Variants in NDNF observed in about 807,000 individuals in gnomAD.
NDNF encodes neuron derived neurotrophic factor, also known as protein NDNF.
NDNF carries 16 observed loss-of-function variants against 42.0 expected under a neutral mutation model. The observed-to-expected ratio is 0.38, with a 90% CI of 0.26 to 0.58. The LOEUF is 0.58. Among genes scored for constraint, NDNF ranks in the 20% least tolerant of loss-of-function variants. NDNF has a pLI of 0.67. For missense variants in NDNF, 616 were observed against 666.2 expected (o/e 0.92, Z 0.83); for synonymous variants, 248 against 251.7 (o/e 0.99, Z 0.14).
At chr4:121,037,759 A>G in intron 3 of NDNF, 102 bp from the exon 4 acceptor site, 1 of 742,738 alleles carries the variant, frequency 1.3e-6, no homozygotes, top group Non-Finnish European at 2.1e-6. Context: ...TTATGAAAAT[A>G]GTACATGTTC....
At chr4:121,039,233 T>TATAC (rs1560603366) in intron 3 of NDNF, among the ~76,000 whole-genome samples, 4 of 131,106 alleles carry the variant, frequency 3.1e-5, no homozygotes, top group Non-Finnish European at 4.8e-5. Flanking sequence ...TATATATATA[T>TATAC]ATAAAGACTA....
At chr4:121,061,515 T>C (rs527401342) in intron 1 of NDNF, 1 of 152,288 alleles carries the variant, frequency 6.6e-6, no homozygotes, top group South Asian at 2.1e-4. Flanking sequence ...AAACATATCA[T>C]TTCCTTTTCC....
chr4:121,061,516 T>C (rs1456385246), intron 1 of NDNF: 1 of 152,124 alleles, frequency 6.6e-6, no homozygotes, highest in Non-Finnish European at 1.5e-5. Context: ...AACATATCAT[T>C]TCCTTTTCCT....
At chr4:121,065,717 T>TACACACAC (rs147500183) in intron 1 of NDNF, among the ~76,000 whole-genome samples, 3 of 147,524 alleles carry the variant, frequency 2.0e-5, no homozygotes, top group Non-Finnish European at 3.0e-5. Context: ...AAGAATGAAA[T>TACACACAC]ACACACACAC....
chr4:121,054,872 A>C (rs749356396), intron 1 of NDNF, among the ~76,000 whole-genome samples: 2 of 152,098 alleles, frequency 1.3e-5, no homozygotes, highest in African/African-American at 2.4e-5. Context: ...CTCTGTTGCC[A>C]AGGCTGGAGT....
intron 1 of NDNF, among the ~76,000 whole-genome samples, chr4:121,063,369 T>C (rs1727446259): frequency 6.6e-6 from 1 of 152,184 alleles, no homozygotes; most frequent in Non-Finnish European, 1.5e-5. Flanking sequence ...CTGAAGAAAA[T>C]ATGTTTTATT....
At chr4:121,071,242 G>T (rs552459216) in intron 1 of NDNF, among the ~76,000 whole-genome samples, 77 of 152,220 alleles carry the variant, frequency 5.1e-4, no homozygotes, top group African/African-American at 1.8e-3. Flanking sequence ...GCCGTAGGGG[G>T]CGTCACCTCG....
At position 121,037,584 on chromosome 4, in the gene NDNF, T is replaced by A; in HGVS notation, c.387A>T (p.Lys129Asn). 1.9e-6 allele frequency: 3 copies of A among 1,612,196 alleles called. No individual in the cohort carries two copies. Among genetic ancestry groups the A allele is most frequent in the Non-Finnish European group, 2.5e-6 (3 of 1,179,722 alleles). The stretch of plus-strand genomic sequence containing the variant: ...ATATAAAATACTCAACATCATTGCC[T>A]TTGTAGGAGAATAACTCAGTGCCTT... Reference protein sequence around the residue: ...NEEGTELFSYKGNDVEYFISS... With the variant: ...NEEGTELFSYNGNDVEYFISS... Residue 129 changes from lysine (K) to asparagine (N), a missense_variant, in exon 4 of 4, where the codon AAA (lysine) becomes AAT (asparagine). Physicochemically the swap from Lys to Asn is moderately conservative, Grantham distance 94. Transcript: ENST00000379692.
chr4:121,055,806 CAT>C (rs1400712187), intron 1 of NDNF, among the ~76,000 whole-genome samples: 25 of 151,952 alleles, frequency 1.6e-4, no homozygotes, highest in African/African-American at 6.0e-4. Context: ...TACATACACA[CAT>C]ACACACACAC....
At chr4:121,071,599 T>C (rs1281703259) in intron 1 of NDNF, 3 of 152,260 alleles carry the variant, frequency 2.0e-5, no homozygotes, top group East Asian at 1.9e-4. Flanking sequence ...CCAGGCTAAG[T>C]CCGGGATAAA....
rs1726874971 is a variant in NDNF at position 121,036,671 on chromosome 4, G to T, written c.1300C>A (p.Leu434Ile). ...NKKGASMLKI[L>I]ATTRPTKQSF... ...TGCTTAGTAGGCCTTGTGGTAGCTA[G>T]AATTTTCAACATAGATGCTCCTTTC... is the stretch of plus-strand genomic sequence containing the variant. Residue 434 changes from leucine to isoleucine, a missense_variant, in exon 4 of 4, where the codon CTA (leucine) becomes ATA (isoleucine). Physicochemically the swap from Leu to Ile is conservative, Grantham distance 5. Transcript: ENST00000379692. 1 of 1,614,156 alleles carries T rather than the reference G, an allele frequency of 6.2e-7. No homozygotes were observed. Among genetic ancestry groups the T allele is most frequent in the Non-Finnish European group, 8.5e-7 (1 of 1,180,014 alleles).
chr4:121,050,856 G>A (rs559135651), intron 1 of NDNF, among the ~76,000 whole-genome samples: 2 of 152,188 alleles, frequency 1.3e-5, no homozygotes, highest in East Asian at 1.9e-4. Flanking sequence ...ATAGATTATT[G>A]GTGATATGAG....
intron 2 of NDNF, 100 bp from the exon 3 acceptor site, chr4:121,040,154 T>G (rs1157729773): frequency 2.7e-6 from 3 of 1,125,230 alleles, no homozygotes; most frequent in Admixed American, 5.7e-5. Flanking sequence ...TTTTTTCATT[T>G]TATAAATTTT....
At chr4:121,040,190 T>A in intron 2 of NDNF, 136 bp from the exon 3 acceptor site, 1 of 877,376 alleles carries the variant, frequency 1.1e-6, no homozygotes, top group Non-Finnish European at 1.7e-6. Flanking sequence ...AATGTCATTG[T>A]ATTTTCCCTT....
chr4:121,054,526 T>C (rs1032603433), intron 1 of NDNF, among the ~76,000 whole-genome samples: 7 of 152,212 alleles, frequency 4.6e-5, no homozygotes, highest in Non-Finnish European at 8.8e-5. Context: ...AGTGTGGTGA[T>C]GGGCATTTTA....
At chr4:121,040,620 A>G (rs1343709979) in intron 2 of NDNF, among the ~76,000 whole-genome samples, 1 of 152,160 alleles carries the variant, frequency 6.6e-6, no homozygotes, top group Non-Finnish European at 1.5e-5. Context: ...AGTGACTTTT[A>G]TTCACAGCTT....
At chr4:121,055,196 A>G (rs1054276479) in intron 1 of NDNF, among the ~76,000 whole-genome samples, 11 of 152,106 alleles carry the variant, frequency 7.2e-5, no homozygotes, top group African/African-American at 2.2e-4. Flanking sequence ...TTGTGCAGAA[A>G]ATGGATTTCA....
chr4:121,069,208 A>G (rs917794487), intron 1 of NDNF, among the ~76,000 whole-genome samples: 5 of 152,212 alleles, frequency 3.3e-5, no homozygotes, highest in African/African-American at 1.2e-4. Context: ...TACTGTGGCT[A>G]TTTCCAAGGT....
chr4:121,064,221 TAGA>T (rs1357474173), intron 1 of NDNF, among the ~76,000 whole-genome samples: 5 of 152,070 alleles, frequency 3.3e-5, no homozygotes, highest in African/African-American at 9.7e-5. Flanking sequence ...TTATCAGGAG[TAGA>T]AGGATAGAAT....
Sources: allele counts gnomAD v4.1 joint callset (sites outside exome capture counted in the v4.1 genomes callset), GRCh38; gene constraint gnomAD v4.1.1; transcripts MANE v1.5; gene names NCBI Gene and HGNC (gene_info 2026-07-23, HGNC 2026-07-21).